The following DLGAP4 variants were observed in gnomAD, a reference collection of about 807,000 sequenced individuals.
DLGAP4 encodes disks large-associated protein 4.
In DLGAP4, 18 loss-of-function variants were observed where a neutral mutation model predicts 86.9. The observed-to-expected ratio is 0.21, with a 90% CI of 0.14 to 0.31. The LOEUF (loss-of-function observed/expected upper bound fraction) is 0.31, where lower values mean the gene tolerates loss of function less well. DLGAP4 is among the 10% of genes least tolerant of loss of function. The pLI, the probability that DLGAP4 is intolerant of heterozygous loss-of-function variation, is 1.00. For missense variants in DLGAP4, 1,085 were observed against 1,362.6 expected, an observed-to-expected ratio of 0.80 and a Z score of 3.21; for synonymous variants, 548 against 574.3, an observed-to-expected ratio of 0.95 and a Z score of 0.65.
intron 1 of DLGAP4, among the ~76,000 whole-genome samples, chr20:36,325,639 A>C (rs1555890952): frequency 1.3e-5 from 2 of 152,142 alleles, no homozygotes. Context: ...TTCAATACAT[A>C]CATATTTAGG....
chr20:36,351,326 A>G (rs2030144968), intron 1 of DLGAP4, among the ~76,000 whole-genome samples: 1 of 152,228 alleles, frequency 6.6e-6, no homozygotes, highest in Non-Finnish European at 1.5e-5. Flanking sequence ...ACTGGGCTGC[A>G]CAGCAGGAAG....
At chr20:36,325,685 A>G (rs1431435292) in intron 1 of DLGAP4, among the ~76,000 whole-genome samples, 1 of 150,918 alleles carries the variant, frequency 6.6e-6, no homozygotes, top group African/African-American at 2.4e-5. Context: ...CCTGTTTATC[A>G]TTATGAAGTG....
intron 7 of DLGAP4, chr20:36,461,482 C>T (rs1349257718): frequency 3.1e-6 from 3 of 981,714 alleles, no homozygotes; most frequent in Non-Finnish European, 3.6e-6. Context: ...AAAACCGGAG[C>T]CTCGGGCCGG....
chr20:36,359,856 C>T (rs1019170270), intron 1 of DLGAP4, among the ~76,000 whole-genome samples: 3 of 152,124 alleles, frequency 2.0e-5, no homozygotes, highest in African/African-American at 7.2e-5. Context: ...GGGAGTTCAT[C>T]GGGCACTGGG....
At chr20:36,375,337 A>AT in intron 2 of DLGAP4, among the ~76,000 whole-genome samples, 1 of 152,286 alleles carries the variant, frequency 6.6e-6, no homozygotes, top group Admixed American at 6.5e-5. Context: ...TGAGAGCAGC[A>AT]TTTTTTGTTT....
chr20:36,439,999 C>T lies in DLGAP4; in HGVS notation c.1356+131C>T, dbSNP rs1438655284. ...GTCTGCACTGTGCTTCTGTTTGGTC[C>T]TTGTTCCTGAAGCCTCCTGTGTGTG... On this transcript the variant is annotated intron_variant, in intron 5 of 12. Coordinates refer to ENST00000339266, the MANE Select transcript of DLGAP4 (RefSeq NM_001365621.2). 1.2e-5 allele frequency: 9 copies of T among 782,532 alleles called. No individual in the cohort carries two copies. The East Asian group carries it at 2.5e-4, about 22-fold the overall frequency. 48.5% of individuals were successfully genotyped at this position (782,532 alleles called of 1,614,324 possible).
chr20:36,461,375 G>C, intron 7 of DLGAP4: 1 of 854,356 alleles, frequency 1.2e-6, no homozygotes, highest in South Asian at 5.3e-5. Context: ...TGCCCGGCCC[G>C]GGAGTCCCTG....
At position 36,459,109 on chromosome 20, in the gene DLGAP4, G is replaced by A. The variant is rs547913858; in HGVS notation, c.1648+12172G>A. Among the ~76,000 whole-genome samples the A allele has an allele frequency of 4.6e-5, 7 of 152,280 alleles. No homozygotes were observed. In the South Asian group the frequency reaches 1.2e-3, roughly 27 times the overall value. ...GTCCAGGCTGGGGATTAGGGAGGGG[G>A]AGCATGTGAGTCCTGTCTGTGCCCC... is the stretch of plus-strand genomic sequence containing the variant. On this transcript the variant is annotated intron_variant, in intron 7 of 12. Coordinates refer to ENST00000339266, the MANE Select transcript of DLGAP4 (RefSeq NM_001365621.2).
intron 7 of DLGAP4, chr20:36,461,989 C>T: frequency 5.1e-6 from 5 of 985,284 alleles, no homozygotes; most frequent in South Asian, 4.7e-5. Flanking sequence ...TCAGAGCGCC[C>T]CCAGATCTTT....
At chr20:36,495,977 G>C (rs2035868924) in intron 7 of DLGAP4, among the ~76,000 whole-genome samples, 1 of 152,032 alleles carries the variant, frequency 6.6e-6, no homozygotes, top group Non-Finnish European at 1.5e-5. Flanking sequence ...GGTTCAAGCA[G>C]TTCTCCTGCC....
At chr20:36,339,021 AT>A (rs2065350182) in intron 1 of DLGAP4, among the ~76,000 whole-genome samples, 1 of 152,236 alleles carries the variant, frequency 6.6e-6, no homozygotes, top group Non-Finnish European at 1.5e-5. Context: ...CTCGGGAGAC[AT>A]TGCAGATTTT....
rs1297329083 is a variant in DLGAP4 at position 36,350,189 on chromosome 20, A to G, written c.-303-16856A>G. Among the ~76,000 whole-genome samples the G allele has an allele frequency of 6.6e-6, 1 of 152,192 alleles. No homozygotes were observed. The highest frequency in any genetic ancestry group is 1.9e-4 in the East Asian group (1 of 5,192). ...GAAGGCTGGCGGGTGCCAAGCCTGGATCGTCCCCCGAGCTCAGCTTGCCCT... is the reference window on the plus strand; with the variant it reads ...GAAGGCTGGCGGGTGCCAAGCCTGGGTCGTCCCCCGAGCTCAGCTTGCCCT... On this transcript the variant is annotated intron_variant, in intron 1 of 12. Transcript: ENST00000339266. This position sits in a 1 kb window ranked among gnomAD's most constrained non-coding sequence, Gnocchi z 4.4.
At chr20:36,471,376 C>A (rs2034654947) in intron 7 of DLGAP4, among the ~76,000 whole-genome samples, 1 of 152,108 alleles carries the variant, frequency 6.6e-6, no homozygotes, top group African/African-American at 2.4e-5. Flanking sequence ...TGTCTGTAGT[C>A]CCAGCTACTC....
At chr20:36,467,902 G>A (rs2034488316) in intron 7 of DLGAP4, among the ~76,000 whole-genome samples, 1 of 152,224 alleles carries the variant, frequency 6.6e-6, no homozygotes, top group Admixed American at 6.5e-5. Context: ...CTGTTTTGCA[G>A]ATAAGGAAAA....
rs1222799334 is a variant in DLGAP4 at position 36,467,061 on chromosome 20, TCTCC to T, written c.1648+20126_1648+20129del. Among the ~76,000 whole-genome samples, 387 of 50,224 alleles carry T rather than the reference TCTCC, an allele frequency of 7.7e-3. 5 individuals are homozygous for T. Among genetic ancestry groups the T allele is most frequent in the Non-Finnish European group, 0.015 (306 of 20,954 alleles). The allele number at this position is 50,224 out of a possible 152,430, so 32.9% of individuals were successfully genotyped here. A position where few individuals can be genotyped will look rare whatever the true frequency, so the allele number is the denominator to read the frequency against. On this transcript the variant is annotated intron_variant, in intron 7 of 12. Coordinates refer to ENST00000339266, the MANE Select transcript of DLGAP4 (RefSeq NM_001365621.2). ...CTCTCTCTCTCTCTCTCTCTCTCTCTCTCCCCCCCCCTTCTCTCGGCCCTGCCTT... is the reference window on the plus strand; with the variant it reads ...CTCTCTCTCTCTCTCTCTCTCTCTCTCCCCCCCTTCTCTCGGCCCTGCCTT...
At chr20:36,347,762 G>A (rs992799992) in intron 1 of DLGAP4, among the ~76,000 whole-genome samples, 5 of 150,054 alleles carry the variant, frequency 3.3e-5, no homozygotes, top group African/African-American at 7.4e-5. Flanking sequence ...AAAGTTTGAG[G>A]CCACAGTGAG....
intron 1 of DLGAP4, among the ~76,000 whole-genome samples, chr20:36,354,746 G>A (rs1290293261): frequency 6.6e-6 from 1 of 152,084 alleles, no homozygotes; most frequent in African/African-American, 2.4e-5. Flanking sequence ...GGACAACATA[G>A]TGAGACCCCC....
chr20:36,438,395 T>A (rs1327519676), intron 4 of DLGAP4, among the ~76,000 whole-genome samples: 4 of 148,766 alleles, frequency 2.7e-5, no homozygotes, highest in Non-Finnish European at 4.4e-5. Flanking sequence ...TATATATATA[T>A]AATATATATG....
At chr20:36,524,168 GGGA>G (rs758511076) in intron 10 of DLGAP4, 79 bp from the exon 11 acceptor site, 146 of 1,056,082 alleles carry the variant, frequency 1.4e-4, no homozygotes, top group Admixed American at 2.6e-4. Flanking sequence ...AAGGGAGTGT[GGGA>G]GGAGATTAAA....
Sources: gnomAD v4.1 joint callset for allele counts (sites outside exome capture counted in the v4.1 genomes callset) on GRCh38, gnomAD v4.1.1 for gene constraint, Gnocchi (gnomAD v3.1) non-coding constraint, MANE v1.5 for transcripts, NCBI Gene and HGNC (gene_info 2026-07-23, HGNC 2026-07-21) for gene names.